The following ZNF286A variants were observed in gnomAD, a reference collection of about 807,000 sequenced individuals.
ZNF286A encodes the protein zinc finger protein ZNF286.
A neutral mutation model predicts 49.3 loss-of-function variants in ZNF286A; 34 were observed. The observed-to-expected ratio is 0.69, with a 90% CI of 0.52 to 0.92. ZNF286A has a LOEUF of 0.92. Among genes scored for constraint, ZNF286A ranks in the 40% least tolerant of loss-of-function variants. The probability of loss-of-function intolerance (pLI) is 0.00; values close to 1 mark genes in which losing one functional copy is unlikely to be tolerated. For synonymous variants in ZNF286A, 155 were observed against 200.4 expected (o/e 0.77, Z 1.91); for missense variants, 462 against 600.2 (o/e 0.77, Z 2.41).
intron 5 of ZNF286A, among the ~76,000 whole-genome samples, chr17:15,711,864 C>A (rs967925121): frequency 5.9e-5 from 6 of 102,114 alleles, no homozygotes; most frequent in Admixed American, 9.7e-5. Flanking sequence ...TAATCTGCCC[C>A]CCCCCCGGCT....
rs776771268 is a variant in ZNF286A, at chr17:15,701,221, G to A, written c.107G>A (p.Arg36His). 55 of 1,613,944 alleles carry A rather than the reference G, an allele frequency of 3.4e-5. No individual in the cohort carries two copies. The highest frequency in any genetic ancestry group is 1.6e-4 in the Middle Eastern group (1 of 6,084). Reference sequence around the variant, plus strand: ...GAAGAGGGAGAAGTGGCTGCTCTGCGCCTCACGGCCAGATCCCAGGTGAGT... The same window carrying A: ...GAAGAGGGAGAAGTGGCTGCTCTGCACCTCACGGCCAGATCCCAGGTGAGT... Reference protein sequence around the residue: ...STEEGEVAALRLTARSQETVT... With the variant: ...STEEGEVAALHLTARSQETVT... Residue 36 changes from arginine to histidine, a missense_variant, in exon 3 of 6, where the codon CGC (arginine) becomes CAC (histidine). Arg to His is a conservative substitution (Grantham distance 29, BLOSUM62 0). Coordinates refer to ENST00000583566, the MANE Select transcript of ZNF286A (RefSeq NM_001130842.2).
At position 15,718,342 on chromosome 17, in the gene ZNF286A, G is replaced by A. The variant is rs925160026; in HGVS notation, c.*1052G>A. On this transcript the variant is annotated 3_prime_UTR_variant, in exon 6 of 6. Coordinates refer to ENST00000583566, the MANE Select transcript of ZNF286A (RefSeq NM_001130842.2). ...TAGTGAATGGGTCAAAATCTTAACA[G>A]TGGTTGTTGATCAAGTCCTTCCTTT... 6.7e-6 allele frequency: 1 copy of A among 148,848 alleles called. No individual in the cohort carries two copies. The highest frequency in any genetic ancestry group is 2.5e-5 in the African/African-American group (1 of 39,986). 9.2% of individuals were successfully genotyped at this position (148,848 alleles called of 1,614,324 possible). A position where few individuals can be genotyped will look rare whatever the true frequency, so the allele number is the denominator to read the frequency against.
chr17:15,713,445 GC>G (rs1366060939), intron 5 of ZNF286A, among the ~76,000 whole-genome samples: 6 of 152,190 alleles, frequency 3.9e-5, no homozygotes, highest in Admixed American at 2.0e-4. Flanking sequence ...TGTTTTGGTT[GC>G]CATGCATGGA....
In ZNF286A at chr17:15,716,396, G is replaced by T. The variant is rs1174096378; in HGVS notation, c.672G>T (p.Leu224Phe). The change falls in exon 6 of 6, where the codon TTG (leucine) becomes TTT (phenylalanine). Residue 224 changes from leucine (L) to phenylalanine (F), a missense_variant. Physicochemically the swap from Leu to Phe is conservative, Grantham distance 22. This residue lies in a region of ZNF286A where 259 missense variants were observed against 272.2 expected (regional missense o/e 0.95). Coordinates refer to ENST00000583566, the MANE Select transcript of ZNF286A (RefSeq NM_001130842.2). ...CCTTCCATACACTTGAAAAAAGCTTGAAACAAAAATCAAACTTAATGAAAA... is the reference window on the plus strand; with the variant it reads ...CCTTCCATACACTTGAAAAAAGCTTTAAACAAAAATCAAACTTAATGAAAA... ...SYAFHTLEKS[L>F]KQKSNLMKKQ... The T allele has an allele frequency of 5.6e-6, 9 of 1,613,258 alleles. No homozygotes were observed. The highest frequency in any genetic ancestry group is 1.3e-5 in the African/African-American group (1 of 74,766).
chr17:15,712,930 C>G (rs145891363), intron 5 of ZNF286A, among the ~76,000 whole-genome samples: 77 of 152,266 alleles, frequency 5.1e-4, no homozygotes, highest in African/African-American at 1.9e-3. Context: ...TCTTCCATCT[C>G]TGTGCTCTAG....
In ZNF286A at chr17:15,719,285, T is replaced by A. The variant is rs1298315239; in HGVS notation, c.*1995T>A. The A allele has an allele frequency of 1.5e-5, 2 of 133,526 alleles. No individual in the cohort carries two copies. The highest frequency in any genetic ancestry group is 3.2e-5 in the Non-Finnish European group (2 of 61,864). The allele number at this position is 133,526 out of a possible 1,614,324, so 8.3% of individuals were successfully genotyped here. On this transcript the variant is annotated 3_prime_UTR_variant, in exon 6 of 6. Coordinates refer to ENST00000583566, the MANE Select transcript of ZNF286A (RefSeq NM_001130842.2). ...GGACCAACTCTGGCCCACCACCTGT[T>A]TCTCAGAAGAAAATTTTATTGGAAC...
chr17:15,714,395 A>G (rs1966918070), intron 5 of ZNF286A, among the ~76,000 whole-genome samples: 2 of 152,170 alleles, frequency 1.3e-5, no homozygotes, highest in Admixed American at 1.3e-4. Flanking sequence ...CCAGGGATTC[A>G]TGGACCATAC....
Position 15,717,930 on chromosome 17 carries a change from A to ATTTTTTTTTTTT in ZNF286A, c.*650_*661dup, listed in dbSNP as rs769116482. The ATTTTTTTTTTTT allele has an allele frequency of 4.1e-5, 4 of 97,006 alleles. No homozygotes were observed. Among genetic ancestry groups the ATTTTTTTTTTTT allele is most frequent in the Non-Finnish European group, 5.5e-5 (3 of 54,308 alleles). 6.0% of individuals were successfully genotyped at this position (97,006 alleles called of 1,614,324 possible). A position where few individuals can be genotyped will look rare whatever the true frequency, so the allele number is the denominator to read the frequency against. On this transcript the variant is annotated 3_prime_UTR_variant, in exon 6 of 6. Transcript: ENST00000583566. Reference sequence around the variant, plus strand: ...TTCACATGGATTATGTACATCATTGATTTTTTTTTTTTTTTTTTTTTGAGA... The same window carrying ATTTTTTTTTTTT: ...TTCACATGGATTATGTACATCATTGATTTTTTTTTTTTTTTTTTTTTTTTTTTTTTTTTGAGA...
At chr17:15,712,242 A>T (rs1229805192) in intron 5 of ZNF286A, among the ~76,000 whole-genome samples, 1 of 152,144 alleles carries the variant, frequency 6.6e-6, no homozygotes, top group Non-Finnish European at 1.5e-5. Context: ...CCCAGAGAAA[A>T]TGTGTCTAAG....
At position 15,719,494 on chromosome 17, in the gene ZNF286A, A is replaced by T. The variant is rs1967265260; in HGVS notation, c.*2204A>T. The T allele has an allele frequency of 6.6e-6, 1 of 151,084 alleles. No homozygotes were observed. The highest frequency in any genetic ancestry group is 2.0e-4 in the East Asian group (1 of 5,126). The allele number at this position is 151,084 out of a possible 1,614,324, so 9.4% of individuals were successfully genotyped here. ...GGAAGTCCAAGATCAAGGTGTCAAC[A>T]TATTTAGGGTCTAGGGAAGGTCTGC... On this transcript the variant is annotated 3_prime_UTR_variant, in exon 6 of 6. Transcript: ENST00000583566.
At chr17:15,708,110 C>T (rs374147400) in intron 4 of ZNF286A, 45 bp from the exon 5 acceptor site, 10 of 1,403,524 alleles carry the variant, frequency 7.1e-6, no homozygotes, top group Non-Finnish European at 9.5e-6. Flanking sequence ...TAACTTACTC[C>T]CATTACTTTC....
chr17:15,699,948 G>C, intron 1 of ZNF286A, 171 bp downstream of exon 1: 1 of 625,060 alleles, frequency 1.6e-6, no homozygotes, highest in South Asian at 1.9e-5. Context: ...CGGGGGACGC[G>C]GTTGTGCCAC....
rs767343911 is a variant in ZNF286A at position 15,706,388 on chromosome 17, A to G, written c.128A>G (p.Glu43Gly). 6.2e-7 allele frequency: 1 copy of G among 1,612,856 alleles called. No individual in the cohort carries two copies. Among genetic ancestry groups the G allele is most frequent in the Admixed American group, 1.7e-5 (1 of 60,024 alleles). ...AALRLTARSQETVTFKDVAMD... is the reference protein window; with the variant it reads ...AALRLTARSQGTVTFKDVAMD... The stretch of plus-strand genomic sequence containing the variant: ...TGAAAAAAATATTTTATGTTTTAGG[A>G]AACAGTGACATTCAAGGATGTGGCC... The change falls in exon 4 of 6, where the codon GAA becomes GGA. Residue 43 changes from glutamate (E) to glycine (G), a missense_variant and splice_region_variant. Physicochemically the swap from Glu to Gly is moderately conservative, Grantham distance 98. Around this residue, in one of 3 missense-constraint regions of ZNF286A, gnomAD observed 259 missense variants for 272.2 expected, o/e 0.95. Coordinates refer to ENST00000583566, the MANE Select transcript of ZNF286A (RefSeq NM_001130842.2).
Position 15,719,101 on chromosome 17 carries a change from T to G in ZNF286A, c.*1811T>G, listed in dbSNP as rs1967237354. On this transcript the variant is annotated 3_prime_UTR_variant, in exon 6 of 6. Transcript: ENST00000583566. ...TTGGGGATTACAATTAAACATGAGA[T>G]TTGGGTGGGGATACAGATCTAAACT... 2 of 112,162 alleles carry G rather than the reference T, an allele frequency of 1.8e-5. No homozygotes were observed. The highest frequency in any genetic ancestry group is 3.9e-5 in the African/African-American group (1 of 25,706). The allele number at this position is 112,162 out of a possible 1,614,324, so 6.9% of individuals were successfully genotyped here. A position where few individuals can be genotyped will look rare whatever the true frequency, so the allele number is the denominator to read the frequency against.
In ZNF286A at chr17:15,699,765, C is replaced by A; in HGVS notation, c.-208C>A. 1 of 702,904 alleles carries A rather than the reference C, an allele frequency of 1.4e-6. No individual in the cohort carries two copies. The highest frequency in any genetic ancestry group is 2.3e-4 in the Middle Eastern group (1 of 4,364). 43.5% of individuals were successfully genotyped at this position (702,904 alleles called of 1,614,324 possible). A position where few individuals can be genotyped will look rare whatever the true frequency, so the allele number is the denominator to read the frequency against. On this transcript the variant is annotated 5_prime_UTR_variant, in exon 1 of 6. Coordinates refer to ENST00000583566, the MANE Select transcript of ZNF286A (RefSeq NM_001130842.2). ...AAAGAAGTTCGTCCCCTTTGTGAGGCCCGGGATGGGAGGTGAGTTGCTTGT... is the reference window on the plus strand; with the variant it reads ...AAAGAAGTTCGTCCCCTTTGTGAGGACCGGGATGGGAGGTGAGTTGCTTGT...
intron 5 of ZNF286A, chr17:15,708,541 C>G (rs1431169973): frequency 4.2e-6 from 1 of 238,068 alleles, no homozygotes; most frequent in East Asian, 8.4e-5. Flanking sequence ...ACTAATTTAG[C>G]ACATTCATGT....
At chr17:15,702,510 CAAAAA>C (rs36114462) in intron 3 of ZNF286A, among the ~76,000 whole-genome samples, 1 of 101,862 alleles carries the variant, frequency 9.8e-6, no homozygotes, top group African/African-American at 3.2e-5. Context: ...GAAACTGTCT[CAAAAA>C]AAAAAAAAAA....
At chr17:15,709,071 C>A (rs574675398) in intron 5 of ZNF286A, among the ~76,000 whole-genome samples, 3 of 151,978 alleles carry the variant, frequency 2.0e-5, no homozygotes, top group Non-Finnish European at 4.4e-5. Flanking sequence ...AGAGTATGTG[C>A]GTTCTAGTTG....
At chr17:15,713,900 G>A (rs1247150655) in intron 5 of ZNF286A, among the ~76,000 whole-genome samples, 2 of 151,862 alleles carry the variant, frequency 1.3e-5, no homozygotes, top group Non-Finnish European at 2.9e-5. Flanking sequence ...TCATTTTTGA[G>A]AAACTGTCTG....
Sources: gnomAD v4.1 joint callset for allele counts (sites outside exome capture counted in the v4.1 genomes callset) on GRCh38, gnomAD v4.1.1 for gene constraint, gnomAD v4.1.1 regional missense constraint, MANE v1.5 for transcripts, NCBI Gene and HGNC (gene_info 2026-07-23, HGNC 2026-07-21) for gene names.